The following IL17REL variants were observed in gnomAD, a reference collection of about 807,000 sequenced individuals.
IL17REL encodes the protein interleukin 17 receptor E like.
IL17REL carries 36 observed loss-of-function variants against 49.0 expected under a neutral mutation model. The ratio of observed to expected loss-of-function variants is 0.73; its 90% confidence interval spans 0.56 to 0.97. The LOEUF is 0.97. Among genes scored for constraint, IL17REL ranks in the 50% least tolerant of loss-of-function variants. The pLI, the probability that IL17REL is intolerant of heterozygous loss-of-function variation, is 0.00. For missense variants in IL17REL, 470 were observed against 453.9 expected, an observed-to-expected ratio of 1.04 and a Z score of -0.32; for synonymous variants, 206 against 192.4, an observed-to-expected ratio of 1.07 and a Z score of -0.58.
chr22:50,007,280 T>C (rs1286741048), intron 1 of IL17REL, among the ~76,000 whole-genome samples: 1 of 152,106 alleles, frequency 6.6e-6, no homozygotes, highest in Non-Finnish European at 1.5e-5. Context: ...GTTTATGAGC[T>C]GTCATTAGCT....
chr22:50,004,000 A>G (rs563404696), intron 1 of IL17REL, among the ~76,000 whole-genome samples: 3 of 152,378 alleles, frequency 2.0e-5, no homozygotes, highest in Non-Finnish European at 2.9e-5. Flanking sequence ...ACTGAAACTA[A>G]TAAGTTTAGC....
chr22:49,997,530 C>T (rs2061044179), intron 10 of IL17REL, 47 bp from the exon 13 acceptor site: 6 of 1,335,130 alleles, frequency 4.5e-6, no homozygotes, highest in East Asian at 2.4e-5. Flanking sequence ...AGCACCCCAC[C>T]GCCTCCCTTC....
chr22:50,008,159 C>G (rs536989228), intron 1 of IL17REL, among the ~76,000 whole-genome samples: 32 of 152,256 alleles, frequency 2.1e-4, no homozygotes, highest in South Asian at 8.3e-4. Flanking sequence ...TAGGTAAACA[C>G]TGTTTATTTC....
exon 2 of IL17REL, chr22:50,001,144 T>C: frequency 1.9e-6 from 3 of 1,607,100 alleles, no homozygotes; most frequent in East Asian, 2.2e-5. Flanking sequence ...GGGGACACAC[T>C]GCATGGCAGT....
At chr22:50,002,831 G>C (rs1255963200) in intron 1 of IL17REL, among the ~76,000 whole-genome samples, 4 of 152,190 alleles carry the variant, frequency 2.6e-5, no homozygotes, top group Non-Finnish European at 5.9e-5. Flanking sequence ...CTGTAGTCCG[G>C]ATGGACTCAC....
chr22:49,999,936 C>T (rs1324132530), exon 5 of IL17REL: 1 of 1,531,658 alleles, frequency 6.5e-7, no homozygotes. Flanking sequence ...TCGCCTTGCG[C>T]CTCCGGTCCA....
exon 5 of IL17REL, chr22:49,999,923 G>C: frequency 6.5e-7 from 1 of 1,536,216 alleles, no homozygotes; most frequent in Non-Finnish European, 8.8e-7. Flanking sequence ...ACTTGCACCA[G>C]AATCGCCTTG....
chr22:50,006,011 G>C (rs934545721), intron 1 of IL17REL, among the ~76,000 whole-genome samples: 3 of 151,966 alleles, frequency 2.0e-5, no homozygotes, highest in African/African-American at 4.8e-5. Context: ...CAGGATGGGG[G>C]TGCTGAGGAA....
At chr22:49,997,902 C>A in intron 9 of IL17REL, 123 bp downstream of exon 11, 4 of 1,424,206 alleles carry the variant, frequency 2.8e-6, no homozygotes, top group Non-Finnish European at 3.9e-6. Flanking sequence ...CAGGAGGGGG[C>A]TCTGAGGGAC....
intron 11 of IL17REL, 35 bp downstream of exon 13, chr22:49,997,285 C>T: frequency 1.3e-6 from 2 of 1,596,356 alleles, no homozygotes; most frequent in Non-Finnish European, 1.7e-6. Context: ...ACCACCCCCA[C>T]CTCCCCAGGA....
At chr22:49,999,590 G>T in intron 5 of IL17REL, 88 bp from the exon 8 acceptor site, 1 of 1,109,388 alleles carries the variant, frequency 9.0e-7, no homozygotes, top group Non-Finnish European at 1.3e-6. Flanking sequence ...CGGGGCGGGA[G>T]CGGGGACGGG....
At chr22:49,993,284 T>A (rs1434618757), downstream of IL17REL, among the ~76,000 whole-genome samples, 1 of 152,186 alleles carries the variant, frequency 6.6e-6, no homozygotes, top group Non-Finnish European at 1.5e-5. This position sits in a 1 kb window ranked among gnomAD's most constrained non-coding sequence, Gnocchi z 6.0. Flanking sequence ...CTCACCCGTG[T>A]TATACTGTGG....
At chr22:50,004,670 G>GGGTTTGGTT (rs1601890794) in intron 1 of IL17REL, among the ~76,000 whole-genome samples, 1 of 151,826 alleles carries the variant, frequency 6.6e-6, no homozygotes, top group Admixed American at 6.6e-5. Flanking sequence ...AGACCAGCCT[G>GGGTTTGGTT]GCCAACATGG....
chr22:50,001,239 G>T lies in IL17REL; in HGVS notation c.-41-8C>A. 1 of 1,257,000 alleles carries T rather than the reference G, an allele frequency of 8.0e-7. No homozygotes were observed. 77.9% of individuals were successfully genotyped at this position (1,257,000 alleles called of 1,614,324 possible). On this transcript the variant is annotated splice_region_variant and splice_polypyrimidine_tract_variant and intron_variant, in intron 1 of 12. Coordinates refer to ENST00000341280, the Ensembl canonical transcript of IL17REL. ...AGCTGTTAAAAATGTTCCCTGGGGA[G>T]GGAGAAGGAGCGTGAGGCCTCGAGT... is the stretch of plus-strand genomic sequence containing the variant.
At chr22:49,999,831 C>T (rs2061066833) in exon 5 of IL17REL, 1 of 1,513,610 alleles carries the variant, frequency 6.6e-7, no homozygotes, top group Admixed American at 2.1e-5. Context: ...CGCTCACTCG[C>T]ACAGGGGCGC....
chr22:49,997,632 T>G, intron 10 of IL17REL, 53 bp downstream of exon 12: 1 of 1,550,504 alleles, frequency 6.4e-7, no homozygotes, highest in Non-Finnish European at 8.9e-7. Flanking sequence ...CAGAGTGATA[T>G]AAAGGATGTT....
At chr22:49,996,907 G>T in intron 12 of IL17REL, 47 bp from the exon 15 acceptor site, 1 of 666,784 alleles carries the variant, frequency 1.5e-6, no homozygotes, top group Non-Finnish European at 2.5e-6. Flanking sequence ...TGCTTCCCCC[G>T]GGGATGGGGG....
At chr22:50,009,688 T>C (rs2061128245), upstream of IL17REL, among the ~76,000 whole-genome samples, 1 of 152,200 alleles carries the variant, frequency 6.6e-6, no homozygotes, top group South Asian at 2.1e-4. Context: ...CCTGGACTTC[T>C]GCTCCTAGCC....
chr22:49,993,224 G>T (rs1047972951), downstream of IL17REL, among the ~76,000 whole-genome samples: 2 of 152,228 alleles, frequency 1.3e-5, no homozygotes, highest in African/African-American at 4.8e-5. This position sits in a 1 kb window ranked among gnomAD's most constrained non-coding sequence, Gnocchi z 6.0. Context: ...AGGGCCCAAG[G>T]CCTGCTCAGC....
Sources: allele counts gnomAD v4.1 joint callset (sites outside exome capture counted in the v4.1 genomes callset), GRCh38; gene constraint gnomAD v4.1.1; non-coding constraint Gnocchi (gnomAD v3.1); transcripts MANE v1.5; gene names NCBI Gene and HGNC (gene_info 2026-07-23, HGNC 2026-07-21).